BLZF1: variants seen among roughly 807,000 people sequenced by gnomAD.
The protein encoded by BLZF1 is golgin-45.
In BLZF1, 39 loss-of-function variants were observed where a neutral mutation model predicts 43.8. The ratio of observed to expected loss-of-function variants is 0.89; its 90% CI spans 0.69 to 1.16. The LOEUF is 1.16. Ranked by LOEUF, BLZF1 falls within the 50% of genes most tolerant of loss-of-function variation. BLZF1 has a pLI of 0.00. For synonymous variants in BLZF1, 136 were observed against 159.4 expected (o/e 0.85, Z 1.11); for missense variants, 449 against 469.8 (o/e 0.96, Z 0.41).
Position 169,376,593 on chromosome 1 carries a change from G to A in BLZF1, c.82G>A (p.Glu28Lys), listed in dbSNP as rs1295022423. The change falls in exon 3 of 7, where the codon GAA (glutamate) becomes AAA (lysine). Residue 28 changes from glutamate (E) to lysine (K), a missense_variant. Coordinates refer to ENST00000367808, the MANE Select transcript of BLZF1 (RefSeq NM_001320973.2). Reference protein sequence around the residue: ...RGAGDGMETEEPPKSVEVTSG... With the variant: ...RGAGDGMETEKPPKSVEVTSG... ...AGCAGGAGATGGAATGGAAACTGAG[G>A]AACCACCTAAATCTGTTGAAGTTAC... The A allele has an allele frequency of 2.5e-6, 4 of 1,611,900 alleles. No homozygotes were observed. Among genetic ancestry groups the A allele is most frequent in the Non-Finnish European group, 3.4e-6 (4 of 1,179,168 alleles).
intron 4 of BLZF1, 61 bp downstream of exon 4, chr1:169,378,590 T>A: frequency 6.6e-7 from 1 of 1,512,228 alleles, no homozygotes. Context: ...GTTTTTGATC[T>A]ATAACACAAG....
chr1:169,390,668 A>G (rs559618909), downstream of BLZF1, among the ~76,000 whole-genome samples: 5 of 152,308 alleles, frequency 3.3e-5, no homozygotes, highest in South Asian at 1.0e-3. Flanking sequence ...CTGAGGCTAG[A>G]CCATGTGATG....
chr1:169,391,312 T>G (rs996035628), downstream of BLZF1, among the ~76,000 whole-genome samples: 1 of 152,154 alleles, frequency 6.6e-6, no homozygotes, highest in African/African-American at 2.4e-5. Context: ...AACCCAGCAT[T>G]GTAAGGGTTG....
chr1:169,391,930 G>C (rs1290728017), downstream of BLZF1, among the ~76,000 whole-genome samples: 1 of 80,788 alleles, frequency 1.2e-5, no homozygotes, highest in Non-Finnish European at 3.7e-5. Context: ...AATGGGCCCT[G>C]TTAAGAATTC....
rs555866118 is a variant in BLZF1 at position 169,386,645 on chromosome 1, C to T, written c.1018-352C>T. On this transcript the variant is annotated intron_variant, in intron 6 of 6. Coordinates refer to ENST00000367808, the MANE Select transcript of BLZF1 (RefSeq NM_001320973.2). ...AGTGAGCCGAGATCGCGCCACTGCA[C>T]TCCAGCCTGGGCCACAGAGCGAGAC... Among the ~76,000 whole-genome samples the T allele has an allele frequency of 2.7e-5, 4 of 147,682 alleles. No homozygotes were observed. The East Asian group carries it at 7.9e-4, about 29-fold the overall frequency.
intron 3 of BLZF1, 87 bp from the exon 4 acceptor site, chr1:169,378,243 G>A (rs971212976): frequency 1.5e-6 from 2 of 1,336,548 alleles, no homozygotes; most frequent in African/African-American, 2.9e-5. Context: ...AAATTACACA[G>A]AAACACAGTC....
exon 8 of BLZF1, chr1:169,396,039 G>C (rs919642545): frequency 6.6e-6 from 1 of 152,080 alleles, no homozygotes; most frequent in Non-Finnish European, 1.5e-5. Context: ...ATGGATATGG[G>C]CTGGATATTC....
Position 169,376,770 on chromosome 1 carries a change from G to T in BLZF1, c.259G>T (p.Ala87Ser). Residue 87 changes from alanine to serine, a missense_variant, in exon 3 of 7, where the codon GCT becomes TCT. By Grantham distance (99) the Ala-to-Ser change is moderately conservative. Coordinates refer to ENST00000367808, the MANE Select transcript of BLZF1 (RefSeq NM_001320973.2). Reference protein sequence around the residue: ...KAVRILVPKAAITHDIPNKNT... With the variant: ...KAVRILVPKASITHDIPNKNT... ...TGTAAGAATATTAGTTCCCAAAGCT[G>T]CTATAACTCATGATATCCCCAACAA... 3 of 1,613,318 alleles carry T rather than the reference G, an allele frequency of 1.9e-6. No homozygotes were observed. Among genetic ancestry groups the T allele is most frequent in the Non-Finnish European group, 1.7e-6 (2 of 1,179,566 alleles).
At chr1:169,378,279 A>C (rs1400588168) in intron 3 of BLZF1, 51 bp from the exon 4 acceptor site, 1 of 1,538,484 alleles carries the variant, frequency 6.5e-7, no homozygotes, top group Non-Finnish European at 9.0e-7. Context: ...TGTTACATTA[A>C]AGTTAGTGAT....
intron 6 of BLZF1, among the ~76,000 whole-genome samples, chr1:169,384,090 C>A (rs1319398373): frequency 6.6e-6 from 1 of 151,704 alleles, no homozygotes; most frequent in Admixed American, 6.6e-5. Flanking sequence ...TTTGTACAAC[C>A]CCCCACCCCT....
At chr1:169,383,009 CT>C in intron 6 of BLZF1, among the ~76,000 whole-genome samples, 1 of 152,236 alleles carries the variant, frequency 6.6e-6, no homozygotes, top group Non-Finnish European at 1.5e-5. Context: ...TCAGCTCACT[CT>C]TTTAGTTTCT....
At chr1:169,395,143 T>G in intron 7 of BLZF1, 1 of 1,613,620 alleles carries the variant, frequency 6.2e-7, no homozygotes, top group African/African-American at 1.3e-5. Context: ...GTCGGAGCTG[T>G]CTAGTTCTCT....
intron 6 of BLZF1, among the ~76,000 whole-genome samples, chr1:169,383,859 G>A (rs1200913297): frequency 1.3e-5 from 2 of 151,902 alleles, no homozygotes; most frequent in African/African-American, 2.4e-5. Context: ...AGTTTTTGAG[G>A]GGGAGGGGCA....
At chr1:169,389,180 G>A (rs1472325262), downstream of BLZF1, among the ~76,000 whole-genome samples, 1 of 150,152 alleles carries the variant, frequency 6.7e-6, no homozygotes, top group Non-Finnish European at 1.5e-5. Context: ...TGTATACCCA[G>A]CTACTGGAGA....
Position 169,386,922 on chromosome 1 carries a change from G to C in BLZF1, c.1018-75G>C, listed in dbSNP as rs575507575. On this transcript the variant is annotated intron_variant, in intron 6 of 6. Transcript: ENST00000367808. ...TTAATGAAGTGAAACTTTATAGGTA[G>C]GTATACATCAATGAAATCTTAGGCT... 6 of 1,012,128 alleles carry C rather than the reference G, an allele frequency of 5.9e-6. No homozygotes were observed. In the East Asian group the frequency reaches 1.5e-4, roughly 25 times the overall value. 62.7% of individuals were successfully genotyped at this position (1,012,128 alleles called of 1,614,324 possible).
intron 2 of BLZF1, 39 bp from the exon 3 acceptor site, chr1:169,376,501 T>G (rs779900034): frequency 9.1e-6 from 14 of 1,531,070 alleles, no homozygotes; most frequent in Non-Finnish European, 7.0e-6. Flanking sequence ...TGGCATTTCT[T>G]CTTGGTAAGT....
chr1:169,370,545 G>A (rs1455064967), intron 2 of BLZF1, among the ~76,000 whole-genome samples: 2 of 152,002 alleles, frequency 1.3e-5, no homozygotes, highest in African/African-American at 4.8e-5. Flanking sequence ...GTGGCTATTT[G>A]AATTTAAATT....
rs184990330 is a variant in BLZF1 at position 169,382,037 on chromosome 1, C to T, written c.798-25C>T. 4.9e-5 allele frequency: 77 copies of T among 1,561,772 alleles called. No individual in the cohort carries two copies. The Admixed American group carries it at 8.0e-4, about 16-fold the overall frequency. On this transcript the variant is annotated intron_variant, in intron 5 of 6. Coordinates refer to ENST00000367808, the MANE Select transcript of BLZF1 (RefSeq NM_001320973.2). ...TTACATTTTGCTCTCTTACTATGTCCGGTGTTCATGTGTGTTCTATGCAGA... is the reference window on the plus strand; with the variant it reads ...TTACATTTTGCTCTCTTACTATGTCTGGTGTTCATGTGTGTTCTATGCAGA...
At position 169,376,913 on chromosome 1, in the gene BLZF1, G is replaced by T. The variant is rs1450977833; in HGVS notation, c.402G>T (p.Lys134Asn). Residue 134 changes from lysine to asparagine, a missense_variant, in exon 3 of 7, where the codon AAG (lysine) becomes AAT (asparagine). Transcript: ENST00000367808. ...TAAAGAATGTATTGGAAAAGCTCAA[G>T]AATTCTGAAAGAAGGTTACTACAGG... The part of the protein sequence containing the change: ...SEVKNVLEKL[K>N]NSERRLLQDK... The T allele has an allele frequency of 6.2e-7, 1 of 1,613,202 alleles. No homozygotes were observed. Among genetic ancestry groups the T allele is most frequent in the South Asian group, 1.1e-5 (1 of 91,046 alleles).
Sources: allele counts gnomAD v4.1 joint callset (sites outside exome capture counted in the v4.1 genomes callset), GRCh38; gene constraint gnomAD v4.1.1; transcripts MANE v1.5; gene names NCBI Gene and HGNC (gene_info 2026-07-23, HGNC 2026-07-21).